The following SHROOM4 variants were observed in gnomAD, a reference collection of about 807,000 sequenced individuals.
SHROOM4 encodes the protein shroom family member 4, also known as protein Shroom4.
Under a neutral mutation model 80.3 loss-of-function variants are expected in SHROOM4, and 17 were observed. The observed-to-expected ratio is 0.21, with a 90% confidence interval of 0.14 to 0.32. The LOEUF is 0.32. SHROOM4 is among the 10% of genes least tolerant of loss of function. SHROOM4 has a pLI of 1.00. For missense variants in SHROOM4, 993 were observed against 1,140.3 expected (o/e 0.87, Z 1.86); for synonymous variants, 400 against 437.5 (o/e 0.91, Z 1.07).
At chrX:50,579,715 G>T in the SHROOM4 span, among the ~76,000 whole-genome samples, 1 of 111,659 alleles carries the variant, frequency 9.0e-6, no homozygotes, top group African/African-American at 3.3e-5. Context: ...GGGATTCTGT[G>T]ATGGAAGATA....
chrX:50,607,734 C>G lies in SHROOM4; in HGVS notation c.3408G>C (p.Glu1136Asp), dbSNP rs782105026. 7 of 1,178,072 alleles carry G rather than the reference C, an allele frequency of 5.9e-6. No homozygotes were observed. In the African/African-American group the frequency reaches 1.1e-4, roughly 19 times the overall value. The change falls in exon 6 of 9, where the codon GAG (glutamate) becomes GAC (aspartate). Residue 1136 changes from glutamate to aspartate, a missense_variant. Glu to Asp is a conservative substitution (Grantham distance 45). Coordinates refer to ENST00000376020, the MANE Select transcript of SHROOM4 (RefSeq NM_020717.5). ...QQQKQQEEEE[E>D]EEEEEEEEEE... The stretch of plus-strand genomic sequence containing the variant: ...CTTCCTCTTCTTCTTCTTCTTCCTC[C>G]TCCTCCTCCTCCTCCTGTTGCTTCT...
At chrX:50,804,550 G>C (rs73199936) in intron 1 of SHROOM4, among the ~76,000 whole-genome samples, 2,241 of 111,661 alleles carry the variant, frequency 0.02, 36 homozygotes, top group Non-Finnish European at 0.031. Context: ...ATTTTAGAAA[G>C]AGCATGGGAT....
rs536654021 is a variant in SHROOM4 at position 50,670,936 on chromosome X, C to T, written c.269+24850G>A. 3.9e-3 allele frequency among the ~76,000 whole-genome samples: 433 copies of T among 111,641 alleles called. 2 individuals are homozygous for T. Among genetic ancestry groups the T allele is most frequent in the African/African-American group, 0.013 (394 of 30,729 alleles). On this transcript the variant is annotated intron_variant, in intron 2 of 8. Transcript: ENST00000376020. The stretch of plus-strand genomic sequence containing the variant: ...TTGAGGAGTGTCTGTTGATATCTTT[C>T]GCCCACTTTTTGATAAATAATAAGA...
intron 2 of SHROOM4, among the ~76,000 whole-genome samples, chrX:50,665,878 G>T (rs1364685367): frequency 9.0e-6 from 1 of 111,551 alleles, no homozygotes; most frequent in Non-Finnish European, 1.9e-5. Context: ...CTCTAAGTTA[G>T]GTGGGAAGGC....
intron 7 of SHROOM4, among the ~76,000 whole-genome samples, chrX:50,599,138 G>C (rs1929273585): frequency 9.0e-6 from 1 of 110,662 alleles, no homozygotes; most frequent in Non-Finnish European, 1.9e-5. Flanking sequence ...GTGAGCCTCT[G>C]CACCCAGTCC....
intron 1 of SHROOM4, among the ~76,000 whole-genome samples, chrX:50,808,955 G>A (rs1326039855): frequency 9.0e-6 from 1 of 110,613 alleles, no homozygotes; most frequent in Non-Finnish European, 1.9e-5. Flanking sequence ...TCAGCCAAGG[G>A]TTACCAGCCA....
At chrX:50,636,920 A>G (rs1163945384) in intron 3 of SHROOM4, among the ~76,000 whole-genome samples, 1 of 111,261 alleles carries the variant, frequency 9.0e-6, no homozygotes, top group Non-Finnish European at 1.9e-5. Context: ...CAGATAGTAA[A>G]TGTAAAGTCC....
intron 5 of SHROOM4, among the ~76,000 whole-genome samples, chrX:50,618,454 T>C (rs1476205701): frequency 9.6e-6 from 1 of 104,130 alleles, no homozygotes; most frequent in Non-Finnish European, 2.0e-5. Flanking sequence ...TTGCCCAGTC[T>C]AGAGTGCAGT....
At chrX:50,603,773 T>C (rs1929546781) in intron 6 of SHROOM4, among the ~76,000 whole-genome samples, 1 of 111,987 alleles carries the variant, frequency 8.9e-6, no homozygotes, top group South Asian at 3.7e-4. Flanking sequence ...CTGGCTTGGG[T>C]TTGGCCTCTT....
At chrX:50,747,143 A>G (rs1557267665) in intron 1 of SHROOM4, among the ~76,000 whole-genome samples, 1 of 111,941 alleles carries the variant, frequency 8.9e-6, no homozygotes, top group African/African-American at 3.3e-5. Context: ...TCTGACACTT[A>G]GGTTACCCTC....
intron 5 of SHROOM4, among the ~76,000 whole-genome samples, chrX:50,611,700 AC>A (rs1930003180): frequency 9.0e-6 from 1 of 110,647 alleles, no homozygotes; most frequent in African/African-American, 3.3e-5. Flanking sequence ...CGGGCGGATC[AC>A]TTGAGGCCAG....
intron 1 of SHROOM4, among the ~76,000 whole-genome samples, chrX:50,812,916 T>G (rs1936370358): frequency 9.0e-6 from 1 of 111,666 alleles, no homozygotes; most frequent in African/African-American, 3.3e-5. Flanking sequence ...TGGAATAAAG[T>G]TCGTAAAGTC....
chrX:50,740,883 C>T (rs1408513593), intron 1 of SHROOM4, among the ~76,000 whole-genome samples: 8 of 111,528 alleles, frequency 7.2e-5, no homozygotes, highest in African/African-American at 2.3e-4. Flanking sequence ...TTACCCAGAC[C>T]AGTGTTGTAC....
intron 4 of SHROOM4, among the ~76,000 whole-genome samples, chrX:50,631,669 G>T (rs183452522): frequency 8.9e-6 from 1 of 112,171 alleles, no homozygotes; most frequent in Admixed American, 9.5e-5. Flanking sequence ...TGGCAAGGTT[G>T]CAGGATACAA....
chrX:50,713,290 A>C (rs1285715910), intron 1 of SHROOM4, among the ~76,000 whole-genome samples: 1 of 111,376 alleles, frequency 9.0e-6, no homozygotes, highest in Non-Finnish European at 1.9e-5. Context: ...TGTCTACACA[A>C]GAGAGTGATG....
At chrX:50,747,204 C>T (rs1356354239) in intron 1 of SHROOM4, among the ~76,000 whole-genome samples, 1 of 112,189 alleles carries the variant, frequency 8.9e-6, no homozygotes, top group East Asian at 2.8e-4. Flanking sequence ...TTTCCCTCCA[C>T]ATCCCAAAAG....
chrX:50,576,902 C>G, the SHROOM4 span, among the ~76,000 whole-genome samples: 1 of 111,727 alleles, frequency 9.0e-6, no homozygotes, highest in African/African-American at 3.3e-5. Context: ...AATATTTCCT[C>G]TGTATACATT....
At chrX:50,723,393 G>GGAGGGAGAGAGA (rs1557265630) in intron 1 of SHROOM4, among the ~76,000 whole-genome samples, 1 of 54,481 alleles carries the variant, frequency 1.8e-5, no homozygotes, top group African/African-American at 6.6e-5. Context: ...AGCAAGGGAG[G>GGAGGGAGAGAGA]GAGAGAGAGA....
intron 2 of SHROOM4, among the ~76,000 whole-genome samples, chrX:50,662,522 T>C (rs1932544981): frequency 9.1e-6 from 1 of 110,381 alleles, no homozygotes; most frequent in Admixed American, 9.7e-5. Context: ...AGTGTTATGA[T>C]AATAAAAGAA....
Sources: allele counts gnomAD v4.1 joint callset (sites outside exome capture counted in the v4.1 genomes callset), GRCh38; gene constraint gnomAD v4.1.1; transcripts MANE v1.5; gene names NCBI Gene and HGNC (gene_info 2026-07-23, HGNC 2026-07-21).